MFAP3L: variants seen among roughly 807,000 people sequenced by gnomAD.
MFAP3L encodes microfibrillar-associated protein 3-like.
A neutral mutation model predicts 20.0 loss-of-function variants in MFAP3L; 5 were observed. The ratio of observed to expected loss-of-function variants is 0.25; its 90% CI spans 0.13 to 0.53. The LOEUF is 0.53. MFAP3L is among the 20% of genes least tolerant of loss of function. The pLI is 0.96. For missense variants in MFAP3L, 409 were observed against 527.5 expected, an observed-to-expected ratio of 0.78 and a Z score of 2.20; for synonymous variants, 219 against 213.0, an observed-to-expected ratio of 1.03 and a Z score of -0.25.
chr4:169,990,240 A>C lies in MFAP3L; in HGVS notation c.*1138T>G, dbSNP rs1737562227. The stretch of plus-strand genomic sequence containing the variant: ...CACTTTCTTGCAGGACTGCATAATT[A>C]TTCAACAGTTTTGGCATAAAATCTG... On this transcript the variant is annotated 3_prime_UTR_variant, in exon 3 of 3. Transcript: ENST00000361618. 1 of 152,210 alleles carries C rather than the reference A, an allele frequency of 6.6e-6. No individual in the cohort carries two copies. The highest frequency in any genetic ancestry group is 2.4e-5 in the African/African-American group (1 of 41,456). 9.4% of individuals were successfully genotyped at this position (152,210 alleles called of 1,614,324 possible). A position where few individuals can be genotyped will look rare whatever the true frequency, so the allele number is the denominator to read the frequency against.
At position 170,005,655 on chromosome 4, in the gene MFAP3L, C is replaced by T; in HGVS notation, c.223G>A (p.Asp75Asn). ...GAATTATACCACTTGAACTGTGGGT[C>T]AGGGATGCCATAAACACTACAGTTA... ...LINCSVYGIP[D>N]PQFKWYNSIG... The change falls in exon 2 of 3, where the codon GAC becomes AAC. Residue 75 changes from aspartate (D) to asparagine (N), a missense_variant. Asp to Asn is a conservative substitution (Grantham distance 23). Transcript: ENST00000361618. 6.2e-7 allele frequency: 1 copy of T among 1,614,210 alleles called. No individual in the cohort carries two copies. The highest frequency in any genetic ancestry group is 1.1e-5 in the South Asian group (1 of 91,074).
chr4:169,994,757 C>A (rs59698680), intron 2 of MFAP3L, among the ~76,000 whole-genome samples: 14,064 of 152,208 alleles, frequency 0.092, 694 homozygotes, highest in African/African-American at 0.12. Flanking sequence ...AGATGTCTAA[C>A]AGATAAATTA....
At position 170,005,728 on chromosome 4, in the gene MFAP3L, AATG is replaced by A. The variant is rs1260719943; in HGVS notation, c.147_149del (p.Ile50del). The A allele has an allele frequency of 6.2e-7, 1 of 1,614,102 alleles. No individual in the cohort carries two copies. Among genetic ancestry groups the A allele is most frequent in the Non-Finnish European group, 8.5e-7 (1 of 1,180,054 alleles). ...TGACTATGATATGGTCAGTTCTGGCAATGATTACGGGCACAGAGCCCAAGACCA... is the reference window on the plus strand; with the variant it reads ...TGACTATGATATGGTCAGTTCTGGCAATTACGGGCACAGAGCCCAAGACCA... On this transcript the variant is annotated inframe_deletion, in exon 2 of 3. Transcript: ENST00000361618.
Position 169,986,976 on chromosome 4 carries a change from T to C in MFAP3L, c.*4402A>G, listed in dbSNP as rs1040272098. 3 of 152,228 alleles carry C rather than the reference T, an allele frequency of 2.0e-5. No homozygotes were observed. Among genetic ancestry groups the C allele is most frequent in the Non-Finnish European group, 4.4e-5 (3 of 68,018 alleles). The allele number at this position is 152,228 out of a possible 1,614,324, so 9.4% of individuals were successfully genotyped here. ...TCTTAGAACTATTTACTTTCTATTT[T>C]TACATTCTCTAGCTTCAATTTTGAT... On this transcript the variant is annotated 3_prime_UTR_variant, in exon 3 of 3. Transcript: ENST00000361618.
At chr4:170,010,902 T>C (rs1739339088) in intron 1 of MFAP3L, among the ~76,000 whole-genome samples, 1 of 152,196 alleles carries the variant, frequency 6.6e-6, no homozygotes, top group Non-Finnish European at 1.5e-5. Context: ...ACTATGGTGA[T>C]ATGGTTTGGC....
intron 2 of MFAP3L, among the ~76,000 whole-genome samples, chr4:169,998,000 T>C (rs1221312519): frequency 6.6e-6 from 1 of 152,130 alleles, no homozygotes; most frequent in Non-Finnish European, 1.5e-5. Context: ...AAAACAGCAA[T>C]GATGTAAACC....
chr4:170,011,702 C>T (rs558521548), intron 1 of MFAP3L, among the ~76,000 whole-genome samples: 11 of 152,188 alleles, frequency 7.2e-5, no homozygotes, highest in Admixed American at 7.2e-4. Context: ...TTGTCAGAAT[C>T]CGGCAGGGGA....
intron 1 of MFAP3L, among the ~76,000 whole-genome samples, chr4:170,022,498 A>G (rs1174521228): frequency 6.6e-6 from 1 of 152,112 alleles, no homozygotes; most frequent in Non-Finnish European, 1.5e-5. Context: ...CTATTAGTCC[A>G]TTGCACCAAA....
intron 1 of MFAP3L, chr4:170,007,086 T>C (rs1250110607): frequency 6.6e-6 from 1 of 152,220 alleles, no homozygotes; most frequent in East Asian, 1.9e-4. Context: ...ATTATTTCAA[T>C]TCTGCCTACA....
intron 2 of MFAP3L, chr4:170,003,604 G>A: frequency 1.2e-6 from 1 of 827,774 alleles, no homozygotes; most frequent in Non-Finnish European, 1.5e-6. Flanking sequence ...TATTCCCACA[G>A]TTCTCTTCCT....
chr4:170,006,770 C>T (rs1739062176), intron 1 of MFAP3L: 1 of 152,248 alleles, frequency 6.6e-6, no homozygotes, highest in Non-Finnish European at 1.5e-5. Context: ...ATCAGAATCA[C>T]TCTGGCATTC....
intron 2 of MFAP3L, among the ~76,000 whole-genome samples, chr4:169,996,046 C>G (rs935414833): frequency 2.3e-5 from 3 of 131,988 alleles, no homozygotes; most frequent in Non-Finnish European, 4.7e-5. Context: ...TTCCTCCATC[C>G]CCTCTCTCTC....
rs1427347464 is a variant in MFAP3L at position 169,988,401 on chromosome 4, T to C, written c.*2977A>G. ...CATTTTCAGAATTTCAAGAAAAACATTGCTAGAGATATGACCAGGATGACT... is the reference window on the plus strand; with the variant it reads ...CATTTTCAGAATTTCAAGAAAAACACTGCTAGAGATATGACCAGGATGACT... On this transcript the variant is annotated 3_prime_UTR_variant, in exon 3 of 3. Coordinates refer to ENST00000361618, the MANE Select transcript of MFAP3L (RefSeq NM_021647.8). 1.3e-5 allele frequency: 2 copies of C among 152,204 alleles called. No individual in the cohort carries two copies. Among genetic ancestry groups the C allele is most frequent in the Non-Finnish European group, 2.9e-5 (2 of 68,032 alleles). The allele number at this position is 152,204 out of a possible 1,614,324, so 9.4% of individuals were successfully genotyped here. A position where few individuals can be genotyped will look rare whatever the true frequency, so the allele number is the denominator to read the frequency against.
chr4:170,021,843 C>A (rs894216052), intron 1 of MFAP3L, among the ~76,000 whole-genome samples: 1 of 152,198 alleles, frequency 6.6e-6, no homozygotes, highest in Admixed American at 6.5e-5. Flanking sequence ...TAGCTGTCAA[C>A]TCCCACATCC....
At chr4:169,994,510 A>G in intron 2 of MFAP3L, 1 of 974,890 alleles carries the variant, frequency 1.0e-6, no homozygotes, top group Non-Finnish European at 1.2e-6. Flanking sequence ...CAACATCCCA[A>G]TGCTTTCCTC....
chr4:169,996,465 A>G (rs1163936844), intron 2 of MFAP3L, among the ~76,000 whole-genome samples: 1 of 152,208 alleles, frequency 6.6e-6, no homozygotes, highest in Non-Finnish European at 1.5e-5. Flanking sequence ...ACTCCGAGAC[A>G]CAACCACAGC....
rs138827999 is a variant in MFAP3L at position 169,995,901 on chromosome 4, G to A, written c.299-3592C>T. 4.1e-4 allele frequency among the ~76,000 whole-genome samples: 63 copies of A among 152,174 alleles called. No individual in the cohort carries two copies. The East Asian group carries it at 9.1e-3, about 22-fold the overall frequency. On this transcript the variant is annotated intron_variant, in intron 2 of 2. Coordinates refer to ENST00000361618, the MANE Select transcript of MFAP3L (RefSeq NM_021647.8). Reference sequence around the variant, plus strand: ...CAATGATTTTGGAAGAAACAACATAGGCAGCCATCTCGCCATAACCTTCTG... The same window carrying A: ...CAATGATTTTGGAAGAAACAACATAAGCAGCCATCTCGCCATAACCTTCTG...
At chr4:169,996,181 A>C (rs1225946871) in intron 2 of MFAP3L, among the ~76,000 whole-genome samples, 1 of 137,980 alleles carries the variant, frequency 7.2e-6, no homozygotes, top group Non-Finnish European at 1.5e-5. Context: ...GACCTGTCAC[A>C]GTCTTCCCCA....
At chr4:170,011,985 A>C (rs1412981361) in intron 1 of MFAP3L, among the ~76,000 whole-genome samples, 2 of 152,184 alleles carry the variant, frequency 1.3e-5, no homozygotes, top group African/African-American at 4.8e-5. Flanking sequence ...GGTGTGTGCA[A>C]GAACAGAGGA....
Sources: gnomAD v4.1 joint callset for allele counts (sites outside exome capture counted in the v4.1 genomes callset) on GRCh38, gnomAD v4.1.1 for gene constraint, MANE v1.5 for transcripts, NCBI Gene and HGNC (gene_info 2026-07-23, HGNC 2026-07-21) for gene names.